Variants in ITPR1 observed in about 807,000 individuals in gnomAD.
ITPR1 encodes inositol 1,4,5-trisphosphate receptor type 1.
ITPR1 carries 96 observed loss-of-function variants against 318.4 expected under a neutral mutation model. The ratio of observed to expected loss-of-function variants is 0.30; its 90% CI spans 0.26 to 0.36. The LOEUF (loss-of-function observed/expected upper bound fraction) is 0.36. Among genes scored for constraint, ITPR1 ranks in the 10% least tolerant of loss-of-function variants. The probability of loss-of-function intolerance (pLI) is 1.00; values close to 1 mark genes in which losing one functional copy is unlikely to be tolerated. For synonymous variants in ITPR1, 1,312 were observed against 1,289.9 expected, an observed-to-expected ratio of 1.02 and a Z score of -0.37; for missense variants, 2,440 against 3,460.2, an observed-to-expected ratio of 0.71 and a Z score of 7.40.
chr3:4,716,674 A>C (rs1317394463), intron 39 of ITPR1, among the ~76,000 whole-genome samples: 1 of 152,236 alleles, frequency 6.6e-6, no homozygotes, highest in Non-Finnish European at 1.5e-5. Context: ...CTAAATGTTA[A>C]CAAAGCCTAA....
intron 4 of ITPR1, among the ~76,000 whole-genome samples, chr3:4,611,561 A>AAAATAAATAAATAAAT (rs372628182): frequency 0.11 from 16,255 of 142,386 alleles, 1,315 homozygotes; most frequent in East Asian, 0.37. Flanking sequence ...CTCTCTCTCA[A>AAAATAAATAAATAAAT]AAATAAATAA....
rs117328428 is a variant in ITPR1 at position 4,778,370 on chromosome 3, A to G, written c.6291+996A>G. ...CCGCAGCAGCGAGCACTTCATCATT[A>G]TCATGAAAGAGCCTAGAACTACAGG... On this transcript the variant is annotated intron_variant, in intron 48 of 61. Coordinates refer to ENST00000649015, the MANE Select transcript of ITPR1 (RefSeq NM_001378452.1). 9.2e-5 allele frequency among the ~76,000 whole-genome samples: 14 copies of G among 152,346 alleles called. 1 individual carries two copies. In the East Asian group the frequency reaches 2.5e-3, roughly 27 times the overall value.
intron 47 of ITPR1, among the ~76,000 whole-genome samples, chr3:4,776,022 A>G (rs2046461550): frequency 6.6e-6 from 1 of 152,256 alleles, no homozygotes; most frequent in African/African-American, 2.4e-5. Flanking sequence ...CATTGCTTAT[A>G]CATGGCATCT....
intron 4 of ITPR1, among the ~76,000 whole-genome samples, chr3:4,563,327 G>A (rs2086873493): frequency 6.6e-6 from 1 of 152,010 alleles, no homozygotes; most frequent in Non-Finnish European, 1.5e-5. Context: ...GGGCAACATA[G>A]GGACACCGTA....
In ITPR1 at chr3:4,645,576, T is replaced by C. The variant is rs374932152; in HGVS notation, c.709-6T>C. ...TTCCTTAATTCTTTCTTGTGTTGAC[T>C]GTCAGGGTGACGTGGTGAGGCTGTT... On this transcript the variant is annotated splice_polypyrimidine_tract_variant and splice_region_variant and intron_variant, in intron 9 of 61. Transcript: ENST00000649015. The C allele has an allele frequency of 8.1e-5, 131 of 1,613,068 alleles. No homozygotes were observed. Among genetic ancestry groups the C allele is most frequent in the Non-Finnish European group, 1.1e-4 (124 of 1,179,476 alleles).
intron 33 of ITPR1, 48 bp from the exon 34 acceptor site, chr3:4,697,099 C>A: frequency 6.3e-7 from 1 of 1,595,000 alleles, no homozygotes. Context: ...TAATGAGTTC[C>A]ATACACACCA....
intron 4 of ITPR1, among the ~76,000 whole-genome samples, chr3:4,585,278 T>C (rs2089779161): frequency 6.6e-6 from 1 of 152,196 alleles, no homozygotes; most frequent in African/African-American, 2.4e-5. Context: ...ATATAGAATA[T>C]ACAGAATGTT....
intron 44 of ITPR1, among the ~76,000 whole-genome samples, chr3:4,745,873 C>T (rs565921317): frequency 6.6e-6 from 1 of 152,198 alleles, no homozygotes; most frequent in Admixed American, 6.5e-5. Context: ...GGACTCACCA[C>T]CAGCCAAGGA....
At chr3:4,691,049 G>T (rs2094472156) in intron 31 of ITPR1, 95 bp from the exon 32 acceptor site, 1 of 730,732 alleles carries the variant, frequency 1.4e-6, no homozygotes, top group Non-Finnish European at 2.2e-6. Flanking sequence ...CTTCCCTTGT[G>T]TGTGTTTCAG....
chr3:4,775,665 G>C (rs904975437), intron 47 of ITPR1, among the ~76,000 whole-genome samples: 1 of 152,146 alleles, frequency 6.6e-6, no homozygotes, highest in Non-Finnish European at 1.5e-5. Flanking sequence ...CTCTTTCCTT[G>C]GCTAGGTTTG....
At position 4,710,558 on chromosome 3, in the gene ITPR1, G is replaced by T; in HGVS notation, c.4991+85G>T. ...TTTTGTTCCCGAAGAAGGAGACGTT[G>T]TCCTGTTTTTTAACTTTGATGAATG... On this transcript the variant is annotated intron_variant, in intron 38 of 61. Coordinates refer to ENST00000649015, the MANE Select transcript of ITPR1 (RefSeq NM_001378452.1). The surrounding 1 kb of genome is among the most constrained non-coding windows in gnomAD (Gnocchi z 4.2). 7.2e-7 allele frequency: 1 copy of T among 1,383,382 alleles called. No individual in the cohort carries two copies. 85.7% of individuals were successfully genotyped at this position (1,383,382 alleles called of 1,614,324 possible).
chr3:4,581,334 T>C (rs2089316125), intron 4 of ITPR1, among the ~76,000 whole-genome samples: 1 of 152,232 alleles, frequency 6.6e-6, no homozygotes, highest in Non-Finnish European at 1.5e-5. Context: ...TGTGGTGCTA[T>C]GCTAGTCTCT....
chr3:4,786,452 A>G (rs3805017), intron 51 of ITPR1, among the ~76,000 whole-genome samples: 95,596 of 152,066 alleles, frequency 0.63, 30,458 homozygotes, highest in East Asian at 0.89. Context: ...GTTTCCCACT[A>G]CAGCTTGACC....
chr3:4,503,183 T>C (rs146957417), intron 2 of ITPR1, among the ~76,000 whole-genome samples: 83 of 152,328 alleles, frequency 5.4e-4, no homozygotes, highest in African/African-American at 1.9e-3. Context: ...TGAGGTGTTG[T>C]TCAGTACAAA....
At chr3:4,524,975 A>T (rs1200876980) in intron 4 of ITPR1, among the ~76,000 whole-genome samples, 5 of 152,224 alleles carry the variant, frequency 3.3e-5, no homozygotes, top group Admixed American at 3.3e-4. Flanking sequence ...TCTGACCCTT[A>T]GTTAAGAGTT....
intron 29 of ITPR1, among the ~76,000 whole-genome samples, chr3:4,684,823 G>A (rs1018705628): frequency 2.6e-5 from 4 of 152,136 alleles, no homozygotes; most frequent in East Asian, 1.9e-4. Flanking sequence ...CATTTTAAGC[G>A]ATATCTCTGA....
rs143826457 is a variant in ITPR1, at chr3:4,626,119, G to A, written c.164-1644G>A. ...GTCTGTGAATAGCCATTGCACTCCA[G>A]CCTGGGCAACATAGCAAGTCCCTAT... On this transcript the variant is annotated intron_variant, in intron 4 of 61. Transcript: ENST00000649015. Among the ~76,000 whole-genome samples the A allele has an allele frequency of 4.4e-3, 670 of 152,078 alleles. 7 individuals are homozygous for A. The highest frequency in any genetic ancestry group is 0.015 in the African/African-American group (642 of 41,452).
Position 4,523,834 on chromosome 3 carries a change from C to T in ITPR1, c.163+2740C>T, listed in dbSNP as rs190438674. ...TCGGAGGAGACATGTTTTTCTGGCA[C>T]GACTGTAAAGGTGCCTGGTGCTTGG... On this transcript the variant is annotated intron_variant, in intron 4 of 61. Transcript: ENST00000649015. Among the ~76,000 whole-genome samples, 440 of 152,166 alleles carry T rather than the reference C, an allele frequency of 2.9e-3. 8 individuals are homozygous for T. Among genetic ancestry groups the T allele is most frequent in the Middle Eastern group, 3.4e-3 (1 of 294 alleles).
chr3:4,833,325 A>C (rs1280899274), intron 60 of ITPR1, among the ~76,000 whole-genome samples: 1 of 152,202 alleles, frequency 6.6e-6, no homozygotes, highest in Non-Finnish European at 1.5e-5. Flanking sequence ...ACTTTCGGCT[A>C]TGTGCAGACT....
Sources: allele counts gnomAD v4.1 joint callset (sites outside exome capture counted in the v4.1 genomes callset), GRCh38; gene constraint gnomAD v4.1.1; non-coding constraint Gnocchi (gnomAD v3.1); transcripts MANE v1.5; gene names NCBI Gene and HGNC (gene_info 2026-07-23, HGNC 2026-07-21).